APBB2: variants seen among roughly 807,000 people sequenced by gnomAD.
APBB2 encodes amyloid beta precursor protein binding family B member 2.
Under a neutral mutation model 82.5 loss-of-function variants are expected in APBB2, and 38 were observed. The ratio of observed to expected loss-of-function variants is 0.46; its 90% confidence interval spans 0.36 to 0.60. APBB2 has a LOEUF of 0.60. Among genes scored for constraint, APBB2 ranks in the 20% least tolerant of loss-of-function variants. APBB2 has a pLI of 0.00. For missense variants in APBB2, 772 were observed against 972.3 expected (o/e 0.79, Z 2.74); for synonymous variants, 341 against 368.2 (o/e 0.93, Z 0.85).
At chr4:41,150,532 C>G (rs1174051817) in intron 1 of APBB2, among the ~76,000 whole-genome samples, 1 of 152,206 alleles carries the variant, frequency 6.6e-6, no homozygotes, top group East Asian at 1.9e-4. Flanking sequence ...TGCCCTACTA[C>G]TCTGTCAATT....
intron 17 of APBB2, among the ~76,000 whole-genome samples, chr4:40,818,671 A>T (rs1323470144): frequency 6.6e-6 from 1 of 152,082 alleles, no homozygotes; most frequent in Non-Finnish European, 1.5e-5. Flanking sequence ...CTGCTCCTGC[A>T]TATTCAGGGT....
intron 1 of APBB2, among the ~76,000 whole-genome samples, chr4:41,194,928 G>A: frequency 6.6e-6 from 1 of 152,034 alleles, no homozygotes; most frequent in East Asian, 1.9e-4. Flanking sequence ...AGTTTAAGAA[G>A]ACGTGTGATT....
chr4:41,161,577 G>A (rs1011688390), intron 1 of APBB2, among the ~76,000 whole-genome samples: 2 of 152,152 alleles, frequency 1.3e-5, no homozygotes, highest in Non-Finnish European at 2.9e-5. Context: ...CCGCCCTCCA[G>A]CCTGGGTGAC....
intron 6 of APBB2, among the ~76,000 whole-genome samples, chr4:40,956,948 T>C (rs181425327): frequency 6.6e-6 from 1 of 152,254 alleles, no homozygotes; most frequent in African/African-American, 2.4e-5. Context: ...TTCTCGGGGC[T>C]GTATTACTAT....
Position 40,909,303 on chromosome 4 carries a change from G to A in APBB2, c.1255-15892C>T, listed in dbSNP as rs141664578. Among the ~76,000 whole-genome samples the A allele has an allele frequency of 6.0e-4, 92 of 152,244 alleles. 3 individuals are homozygous for A. In the East Asian group the frequency reaches 0.014, roughly 22 times the overall value. On this transcript the variant is annotated intron_variant, in intron 10 of 17. Transcript: ENST00000508593. Reference sequence around the variant, plus strand: ...AACTTATTAATTTACGGAGAGAAACGCCAAGTGTCAGTCGACTGCATGTTC... The same window carrying A: ...AACTTATTAATTTACGGAGAGAAACACCAAGTGTCAGTCGACTGCATGTTC...
intron 2 of APBB2, among the ~76,000 whole-genome samples, chr4:41,119,954 G>T (rs774600213): frequency 6.6e-6 from 1 of 152,192 alleles, no homozygotes; most frequent in Non-Finnish European, 1.5e-5. Context: ...AACAGCATTC[G>T]GGTATTTTAT....
intron 6 of APBB2, among the ~76,000 whole-genome samples, chr4:40,958,554 G>T (rs1320502959): frequency 1.3e-5 from 2 of 152,188 alleles, no homozygotes; most frequent in Non-Finnish European, 2.9e-5. Flanking sequence ...GAGAATGGGT[G>T]TAGGTGAGAA....
chr4:41,007,175 A>T (rs138828163), intron 6 of APBB2, among the ~76,000 whole-genome samples: 150 of 152,182 alleles, frequency 9.9e-4, no homozygotes, highest in African/African-American at 3.5e-3. Flanking sequence ...GCGATTAGAT[A>T]AGGTCATCTG....
At chr4:40,825,569 G>C (rs961100927) in intron 15 of APBB2, among the ~76,000 whole-genome samples, 2 of 152,236 alleles carry the variant, frequency 1.3e-5, no homozygotes, top group African/African-American at 4.8e-5. Flanking sequence ...CTCAGAGATG[G>C]AGGCCTCGTT....
intron 4 of APBB2, among the ~76,000 whole-genome samples, chr4:41,038,848 G>A (rs558498142): frequency 5.1e-4 from 77 of 152,276 alleles, no homozygotes; most frequent in Non-Finnish European, 5.9e-4. Context: ...AAATTCTCAG[G>A]TATGACTATT....
At chr4:41,188,748 G>T (rs1302582185) in intron 1 of APBB2, among the ~76,000 whole-genome samples, 1 of 152,146 alleles carries the variant, frequency 6.6e-6, no homozygotes, top group East Asian at 1.9e-4. Flanking sequence ...TTCTAACCGG[G>T]TTAAAAGTGG....
At chr4:40,864,340 T>C (rs935528769) in intron 12 of APBB2, among the ~76,000 whole-genome samples, 17 of 152,100 alleles carry the variant, frequency 1.1e-4, no homozygotes, top group African/African-American at 4.1e-4. Flanking sequence ...ATAACGTATA[T>C]TTGTAAAAGA....
intron 10 of APBB2, among the ~76,000 whole-genome samples, chr4:40,911,301 T>C (rs12646653): frequency 0.27 from 40,578 of 152,048 alleles, 6,198 homozygotes; most frequent in East Asian, 0.55. Flanking sequence ...CTGGCATCAA[T>C]CCTCCGCATG....
intron 4 of APBB2, among the ~76,000 whole-genome samples, chr4:41,051,393 C>T (rs1725878884): frequency 6.6e-6 from 1 of 152,162 alleles, no homozygotes; most frequent in African/African-American, 2.4e-5. Flanking sequence ...TCCCCAGAGT[C>T]CCAGGTTAAG....
At position 41,143,131 on chromosome 4, in the gene APBB2, A is replaced by G. The variant is rs1239660676; in HGVS notation, c.-405T>C. 6.6e-6 allele frequency: 1 copy of G among 152,284 alleles called. No homozygotes were observed. The highest frequency in any genetic ancestry group is 1.9e-4 in the East Asian group (1 of 5,190). 9.4% of individuals were successfully genotyped at this position (152,284 alleles called of 1,614,324 possible). A position where few individuals can be genotyped will look rare whatever the true frequency, so the allele number is the denominator to read the frequency against. On this transcript the variant is annotated 5_prime_UTR_variant, in exon 2 of 18. Coordinates refer to ENST00000508593, the MANE Select transcript of APBB2 (RefSeq NM_004307.2). The stretch of plus-strand genomic sequence containing the variant: ...CTACAGACCACAGCAGCTCACCCAC[A>G]GCAACTCCAACCTGGGGGGGCAAAG...
intron 17 of APBB2, among the ~76,000 whole-genome samples, chr4:40,819,077 C>T (rs1413244672): frequency 6.6e-6 from 1 of 151,880 alleles, no homozygotes; most frequent in East Asian, 1.9e-4. Context: ...TTTCCTTCCC[C>T]AAGCTCCACC....
chr4:41,108,503 A>C (rs1748047243), intron 2 of APBB2, among the ~76,000 whole-genome samples: 1 of 152,208 alleles, frequency 6.6e-6, no homozygotes, highest in South Asian at 2.1e-4. Flanking sequence ...AGAAAAGTTC[A>C]GTTCTCCTCT....
intron 12 of APBB2, among the ~76,000 whole-genome samples, chr4:40,883,186 A>G (rs1769160551): frequency 6.6e-6 from 1 of 152,068 alleles, no homozygotes; most frequent in African/African-American, 2.4e-5. Context: ...TTGTGGCAGC[A>G]GCCTGCCCTA....
Position 40,893,424 on chromosome 4 carries a change from GAA to G in APBB2, c.1255-15_1255-14del, listed in dbSNP as rs765479575. On this transcript the variant is annotated splice_polypyrimidine_tract_variant and intron_variant, in intron 10 of 17. Transcript: ENST00000508593. The stretch of plus-strand genomic sequence containing the variant: ...GCACAGCAAAACACTGGAAGACAGT[GAA>G]AGAGGACAAGAAGTCACTCCATGGT... 6.3e-7 allele frequency: 1 copy of G among 1,599,524 alleles called. No individual in the cohort carries two copies. Among genetic ancestry groups the G allele is most frequent in the East Asian group, 2.3e-5 (1 of 44,372 alleles).
Sources: gnomAD v4.1 joint callset for allele counts (sites outside exome capture counted in the v4.1 genomes callset) on GRCh38, gnomAD v4.1.1 for gene constraint, MANE v1.5 for transcripts, NCBI Gene and HGNC (gene_info 2026-07-23, HGNC 2026-07-21) for gene names.